Variants in LRBA observed in about 807,000 individuals in gnomAD.
LRBA encodes lipopolysaccharide-responsive and beige-like anchor protein.
Under a neutral mutation model 330.0 loss-of-function variants are expected in LRBA, and 176 were observed. That is an observed-to-expected ratio of 0.53 (90% CI 0.47 to 0.60). The LOEUF is 0.60. LRBA is among the 20% of genes least tolerant of loss of function. The probability of loss-of-function intolerance (pLI) is 0.00; values close to 1 mark genes in which losing one functional copy is unlikely to be tolerated. For synonymous variants in LRBA, 1,230 were observed against 1,193.0 expected, an observed-to-expected ratio of 1.03 and a Z score of -0.64; for missense variants, 3,259 against 3,444.8, an observed-to-expected ratio of 0.95 and a Z score of 1.35.
intron 2 of LRBA, 67 bp from the exon 3 acceptor site, chr4:150,929,132 T>A: frequency 1.1e-6 from 1 of 951,488 alleles, no homozygotes. Context: ...AGCATGTTCC[T>A]AAACATTAGA....
intron 39 of LRBA, 139 bp downstream of exon 39, chr4:150,590,574 G>T: frequency 1.5e-6 from 1 of 658,218 alleles, no homozygotes; most frequent in Non-Finnish European, 2.6e-6. Flanking sequence ...GTAGAAGGGG[G>T]GGAAGTATTT....
In LRBA at chr4:150,905,828, T is replaced by C. The variant is rs200196406; in HGVS notation, c.1755+10A>G. On this transcript the variant is annotated intron_variant, in intron 13 of 56. Transcript: ENST00000651943. ...TAGTAAAACAATATCAATATATAGA[T>C]ATATATTACCTTGGCTGGGGTATGA... 628 of 1,604,042 alleles carry C rather than the reference T, an allele frequency of 3.9e-4. No individual in the cohort carries two copies. Among genetic ancestry groups the C allele is most frequent in the Non-Finnish European group, 5.1e-4 (596 of 1,173,058 alleles).
At chr4:150,979,608 A>G (rs1050545069) in intron 2 of LRBA, among the ~76,000 whole-genome samples, 2 of 152,218 alleles carry the variant, frequency 1.3e-5, no homozygotes, top group African/African-American at 2.4e-5. Flanking sequence ...AAAAGCAGGG[A>G]GATAAAGGTA....
chr4:150,287,430 C>T (rs1437926213), intron 53 of LRBA, among the ~76,000 whole-genome samples: 2 of 152,158 alleles, frequency 1.3e-5, no homozygotes, highest in Admixed American at 1.3e-4. Flanking sequence ...GACAGAGGTC[C>T]ATGAACAAGA....
chr4:150,981,139 C>T (rs190574935), intron 2 of LRBA, among the ~76,000 whole-genome samples: 2 of 151,718 alleles, frequency 1.3e-5, no homozygotes, highest in Non-Finnish European at 2.9e-5. Flanking sequence ...ATTAGCTCGG[C>T]GCAGTGGCTC....
At chr4:150,511,195 C>T (rs1477637257) in intron 40 of LRBA, among the ~76,000 whole-genome samples, 2 of 152,090 alleles carry the variant, frequency 1.3e-5, no homozygotes, top group Admixed American at 1.3e-4. Flanking sequence ...AACGAACTCA[C>T]TACCACCCCT....
chr4:150,489,311 A>T (rs376529900), intron 41 of LRBA, among the ~76,000 whole-genome samples: 5 of 39,014 alleles, frequency 1.3e-4, no homozygotes, highest in East Asian at 1.3e-3. Flanking sequence ...ATTATATATA[A>T]GAATATATAA....
intron 37 of LRBA, among the ~76,000 whole-genome samples, chr4:150,656,993 T>C (rs997883592): frequency 6.6e-6 from 1 of 152,184 alleles, no homozygotes; most frequent in Non-Finnish European, 1.5e-5. Context: ...GGAGTTGACA[T>C]CAATGTTGTA....
intron 22 of LRBA, among the ~76,000 whole-genome samples, chr4:150,853,759 C>G (rs531545496): frequency 4.6e-5 from 7 of 152,172 alleles, no homozygotes; most frequent in Non-Finnish European, 1.0e-4. Flanking sequence ...TTATAGCCAC[C>G]ATCATATGAT....
intron 37 of LRBA, among the ~76,000 whole-genome samples, chr4:150,669,306 T>C (rs145360475): frequency 0.017 from 2,646 of 152,290 alleles, 144 homozygotes; most frequent in Admixed American, 0.059. Flanking sequence ...ACTACAATTA[T>C]CTAAATGAAA....
chr4:150,650,257 T>G (rs1303342576), intron 37 of LRBA, among the ~76,000 whole-genome samples: 2 of 152,180 alleles, frequency 1.3e-5, no homozygotes, highest in African/African-American at 4.8e-5. Context: ...CAAGTGCTTC[T>G]TTTTGCTTTA....
intron 35 of LRBA, among the ~76,000 whole-genome samples, chr4:150,745,531 T>G (rs1246515299): frequency 6.6e-6 from 1 of 152,190 alleles, no homozygotes; most frequent in Admixed American, 6.5e-5. Context: ...TGTTTTTGTT[T>G]TGGAGATGGA....
intron 48 of LRBA, 70 bp from the exon 49 acceptor site, chr4:150,325,968 C>T: frequency 1.2e-6 from 1 of 832,630 alleles, no homozygotes; most frequent in Non-Finnish European, 2.1e-6. Context: ...CCAACTGTCA[C>T]CTGAAAATAT....
intron 53 of LRBA, among the ~76,000 whole-genome samples, chr4:150,301,551 A>G (rs1266918938): frequency 6.6e-6 from 1 of 152,094 alleles, no homozygotes; most frequent in Non-Finnish European, 1.5e-5. Context: ...AAAATACTTC[A>G]CACACACTTC....
At chr4:150,337,649 T>C (rs1734933094) in intron 48 of LRBA, among the ~76,000 whole-genome samples, 1 of 152,188 alleles carries the variant, frequency 6.6e-6, no homozygotes, top group Non-Finnish European at 1.5e-5. Context: ...TAACACACTT[T>C]TGGCCAGAGG....
chr4:150,270,944 G>T (rs917741269), intron 56 of LRBA, among the ~76,000 whole-genome samples: 1 of 152,184 alleles, frequency 6.6e-6, no homozygotes, highest in Admixed American at 6.5e-5. Context: ...AGCAGATCTG[G>T]TCTGCAGCTC....
chr4:150,500,870 C>T (rs1366707852), intron 40 of LRBA, among the ~76,000 whole-genome samples: 1 of 152,040 alleles, frequency 6.6e-6, no homozygotes, highest in African/African-American at 2.4e-5. Context: ...GCCTAAAATC[C>T]CCAGGATACA....
intron 28 of LRBA, among the ~76,000 whole-genome samples, chr4:150,836,331 G>A (rs1355327265): frequency 1.3e-5 from 2 of 152,248 alleles, no homozygotes; most frequent in South Asian, 2.1e-4. Flanking sequence ...GAGTTAGGGA[G>A]GATTCCCTCT....
chr4:150,649,080 A>C (rs1779471686), intron 37 of LRBA, among the ~76,000 whole-genome samples: 1 of 152,138 alleles, frequency 6.6e-6, no homozygotes, highest in Non-Finnish European at 1.5e-5. Flanking sequence ...CTCCTTCTTA[A>C]GACCACTTCT....
Sources: allele counts gnomAD v4.1 joint callset (sites outside exome capture counted in the v4.1 genomes callset), GRCh38; gene constraint gnomAD v4.1.1; transcripts MANE v1.5; gene names NCBI Gene and HGNC (gene_info 2026-07-23, HGNC 2026-07-21).